Variants in COMMD10 observed in about 807,000 individuals in gnomAD.
COMMD10 encodes the protein COMM domain-containing protein 10.
Under a neutral mutation model 28.9 loss-of-function variants are expected in COMMD10, and 33 were observed. That is an observed-to-expected ratio of 1.14 (90% CI 0.87 to 1.53). The LOEUF is 1.53. Ranked by LOEUF, COMMD10 falls within the 40% of genes most tolerant of loss-of-function variation. The pLI is 0.00. For synonymous variants in COMMD10, 110 were observed against 81.7 expected, an observed-to-expected ratio of 1.35 and a Z score of -1.87; for missense variants, 310 against 233.4, an observed-to-expected ratio of 1.33 and a Z score of -2.14.
At chr5:116,099,435 A>G (rs1352728508) in intron 4 of COMMD10, among the ~76,000 whole-genome samples, 2 of 152,156 alleles carry the variant, frequency 1.3e-5, no homozygotes, top group Non-Finnish European at 2.9e-5. Flanking sequence ...TCTTCAACTG[A>G]TTTCATTTCC....
intron 4 of COMMD10, among the ~76,000 whole-genome samples, chr5:116,130,308 G>A (rs1476038034): frequency 6.6e-6 from 1 of 151,856 alleles, no homozygotes; most frequent in Admixed American, 6.6e-5. Context: ...TAGTCAGCAA[G>A]CAAATAAATA....
At chr5:116,244,513 A>G (rs1003025436) in intron 5 of COMMD10, among the ~76,000 whole-genome samples, 7 of 151,994 alleles carry the variant, frequency 4.6e-5, no homozygotes, top group Non-Finnish European at 1.5e-5. Flanking sequence ...ATGTCATGAG[A>G]TGTTCAAGAG....
intron 2 of COMMD10, among the ~76,000 whole-genome samples, chr5:116,090,196 G>A (rs1485379641): frequency 6.6e-6 from 1 of 152,192 alleles, no homozygotes; most frequent in African/African-American, 2.4e-5. Flanking sequence ...TTATGGATCT[G>A]GGAGTCCTCT....
At chr5:116,132,583 A>G (rs2112770584) in intron 4 of COMMD10, among the ~76,000 whole-genome samples, 1 of 152,216 alleles carries the variant, frequency 6.6e-6, no homozygotes, top group Admixed American at 6.5e-5. Flanking sequence ...GAGGGATAGG[A>G]TCAATTAAAT....
intron 5 of COMMD10, among the ~76,000 whole-genome samples, chr5:116,221,601 C>G (rs574281759): frequency 6.6e-6 from 1 of 152,206 alleles, no homozygotes; most frequent in African/African-American, 2.4e-5. Flanking sequence ...AAGAAAAGGT[C>G]TTAGGTTTAG....
chr5:116,249,578 C>A (rs1053904654), intron 5 of COMMD10, among the ~76,000 whole-genome samples: 1 of 151,364 alleles, frequency 6.6e-6, no homozygotes, highest in African/African-American at 2.4e-5. Flanking sequence ...AGGTAAATTC[C>A]CTCATATTCA....
intron 5 of COMMD10, chr5:116,255,737 G>T (rs987806577): frequency 2.0e-5 from 3 of 149,018 alleles, no homozygotes; most frequent in African/African-American, 5.1e-5. Flanking sequence ...TATGTATTCA[G>T]TTACTTATTC....
In COMMD10 at chr5:116,228,550, A is replaced by C. The variant is rs73259047; in HGVS notation, c.511-62967A>C. Among the ~76,000 whole-genome samples the C allele has an allele frequency of 9.4e-3, 1,431 of 152,082 alleles. 28 individuals are homozygous for C. The highest frequency in any genetic ancestry group is 0.032 in the African/African-American group (1,334 of 41,544). The stretch of plus-strand genomic sequence containing the variant: ...GCTTTAATTAATAGTTTTGACAAAG[A>C]ACCTTTAATAGACCGCTGCTTTTCT... On this transcript the variant is annotated intron_variant, in intron 5 of 6. Coordinates refer to ENST00000274458, the MANE Select transcript of COMMD10 (RefSeq NM_016144.4).
intron 5 of COMMD10, among the ~76,000 whole-genome samples, chr5:116,275,198 T>C (rs1348736252): frequency 1.3e-5 from 2 of 151,846 alleles, no homozygotes; most frequent in Non-Finnish European, 2.9e-5. Context: ...GTTTTGTGGA[T>C]GTACCTCCAA....
chr5:116,271,100 T>A (rs1166708188), intron 5 of COMMD10, among the ~76,000 whole-genome samples: 1 of 151,162 alleles, frequency 6.6e-6, no homozygotes, highest in Non-Finnish European at 1.5e-5. Context: ...TGGGAGAAAA[T>A]CTTTCCTCTA....
At chr5:116,270,068 T>C (rs1407535631) in intron 5 of COMMD10, among the ~76,000 whole-genome samples, 1 of 151,892 alleles carries the variant, frequency 6.6e-6, no homozygotes, top group Non-Finnish European at 1.5e-5. Context: ...TCTTGTTATC[T>C]TGACATAATG....
chr5:116,238,028 A>T lies in COMMD10; in HGVS notation c.511-53489A>T, dbSNP rs184513132. Among the ~76,000 whole-genome samples the T allele has an allele frequency of 1.6e-4, 25 of 152,338 alleles. No individual in the cohort carries two copies. The East Asian group carries it at 4.6e-3, about 28-fold the overall frequency. ...ACAGTATTTTGTTTTGAATAAATTT[A>T]TATTATCTGGAAATCAATATGGCTC... On this transcript the variant is annotated intron_variant, in intron 5 of 6. Transcript: ENST00000274458.
At position 116,085,061 on chromosome 5, in the gene COMMD10, C is replaced by T. The variant is rs1380761858; in HGVS notation, c.9C>T (p.Val3=). 5 of 1,609,228 alleles carry T rather than the reference C, an allele frequency of 3.1e-6. No homozygotes were observed. The highest frequency in any genetic ancestry group is 1.7e-5 in the Admixed American group (1 of 59,742). The change falls in exon 1 of 7, where the codon GTC becomes GTT. Residue 3 remains valine (V), a synonymous_variant. Coordinates refer to ENST00000274458, the MANE Select transcript of COMMD10 (RefSeq NM_016144.4). MA[V]PAALILRESP... is the part of the protein sequence containing the mutation. ...GTGCGAGAAAGCCGAAGATGGCGGT[C>T]CCCGCGGCGCTGATCCTACGGGAGA...
intron 4 of COMMD10, among the ~76,000 whole-genome samples, chr5:116,110,896 C>A (rs929540451): frequency 2.0e-5 from 3 of 152,160 alleles, no homozygotes; most frequent in Admixed American, 6.5e-5. Flanking sequence ...CTAAATCATT[C>A]CTGAGAAACC....
intron 4 of COMMD10, among the ~76,000 whole-genome samples, chr5:116,127,937 TA>T (rs1184409822): frequency 6.6e-6 from 1 of 151,302 alleles, no homozygotes; most frequent in African/African-American, 2.4e-5. Flanking sequence ...ATAATAATAA[TA>T]AAAAAGGTGG....
chr5:116,243,215 G>C (rs1295067458), intron 5 of COMMD10, among the ~76,000 whole-genome samples: 1 of 152,094 alleles, frequency 6.6e-6, no homozygotes, highest in African/African-American at 2.4e-5. Context: ...AACATCTTAT[G>C]TATGATTTCA....
chr5:116,175,125 A>G (rs1753460660), intron 5 of COMMD10, among the ~76,000 whole-genome samples: 1 of 151,826 alleles, frequency 6.6e-6, no homozygotes, highest in East Asian at 1.9e-4. Flanking sequence ...CACATTTAAA[A>G]CACTCCCGCA....
intron 5 of COMMD10, among the ~76,000 whole-genome samples, chr5:116,179,502 A>T (rs1283813230): frequency 6.6e-6 from 1 of 152,090 alleles, no homozygotes; most frequent in Admixed American, 6.6e-5. Context: ...AAGAAATGAG[A>T]CATTGAAGGT....
At chr5:116,245,563 T>C (rs893823399) in intron 5 of COMMD10, among the ~76,000 whole-genome samples, 3 of 152,056 alleles carry the variant, frequency 2.0e-5, no homozygotes, top group African/African-American at 7.2e-5. Flanking sequence ...GTCACTATGC[T>C]TGGTGGACAT....
Sources: allele counts gnomAD v4.1 joint callset (sites outside exome capture counted in the v4.1 genomes callset), GRCh38; gene constraint gnomAD v4.1.1; transcripts MANE v1.5; gene names NCBI Gene and HGNC (gene_info 2026-07-23, HGNC 2026-07-21).